Variants in NOTCH3 observed in about 807,000 individuals in gnomAD.
NOTCH3 encodes the protein neurogenic locus notch homolog protein 3.
A neutral mutation model predicts 213.3 loss-of-function variants in NOTCH3; 86 were observed. That is an observed-to-expected ratio of 0.40 (90% CI 0.34 to 0.48). The LOEUF (loss-of-function observed/expected upper bound fraction) is 0.48. Among genes scored for constraint, NOTCH3 ranks in the 20% least tolerant of loss-of-function variants. The pLI, the probability that NOTCH3 is intolerant of heterozygous loss-of-function variation, is 0.57. For missense variants in NOTCH3, 2,783 were observed against 3,272.6 expected (o/e 0.85, Z 3.65); for synonymous variants, 1,354 against 1,355.9 (o/e 1.00, Z 0.03).
At chr19:15,166,994 G>A (rs1426331700) in intron 29 of NOTCH3, among the ~76,000 whole-genome samples, 1 of 152,178 alleles carries the variant, frequency 6.6e-6, no homozygotes, top group Non-Finnish European at 1.5e-5. Flanking sequence ...GGAGTCAAAG[G>A]GTAGAGAGGG....
chr19:15,173,052 C>CCTCCTCATCCTCCT (rs781063990), intron 25 of NOTCH3, among the ~76,000 whole-genome samples: 1 of 18,986 alleles, frequency 5.3e-5, no homozygotes, highest in Non-Finnish European at 8.1e-5. Flanking sequence ...CCTCCCTCCT[C>CCTCCTCATCCTCCT]CCTCTTCTTC....
chr19:15,181,293 C>T (rs2046839618), intron 17 of NOTCH3, 131 bp from the exon 18 acceptor site: 1 of 880,370 alleles, frequency 1.1e-6, no homozygotes, highest in African/African-American at 1.7e-5. Context: ...AAGCTGCAGC[C>T]CCAGCAGAAG....
In NOTCH3 at chr19:15,180,130, G is replaced by A. The variant is rs200660191; in HGVS notation, c.3269C>T (p.Ala1090Val). ...HCEQEVDPCL[A>V]QPCQHGGTCR... ...GGTCCCCCCATGCTGGCAGGGCTGG[G>A]CCAAGCAGGGGTCCACCTCCTGCTC... The change falls in exon 20 of 33, where the codon GCC (alanine) becomes GTC (valine). Residue 1090 changes from alanine (A) to valine (V), a missense_variant. Ala to Val is a moderately conservative substitution (Grantham distance 64). Transcript: ENST00000263388. The A allele has an allele frequency of 3.7e-6, 6 of 1,613,050 alleles. No homozygotes were observed. Among genetic ancestry groups the A allele is most frequent in the Non-Finnish European group, 5.1e-6 (6 of 1,179,760 alleles).
At position 15,165,641 on chromosome 19, in the gene NOTCH3, G is replaced by A. The variant is rs997671044; in HGVS notation, c.5668-126C>T. ...CCCTGAAATTGGTGAGGTTCAGGGA[G>A]CAGCTGCTTGACAGATACTGTATTC... On this transcript the variant is annotated intron_variant, in intron 30 of 32. Coordinates refer to ENST00000263388, the MANE Select transcript of NOTCH3 (RefSeq NM_000435.3). The surrounding 1 kb of genome is among the most constrained non-coding windows in gnomAD (Gnocchi z 4.7). The A allele has an allele frequency of 5.8e-6, 7 of 1,201,742 alleles. No individual in the cohort carries two copies. The highest frequency in any genetic ancestry group is 8.2e-6 in the Non-Finnish European group (7 of 851,722). 74.4% of individuals were successfully genotyped at this position (1,201,742 alleles called of 1,614,324 possible).
At chr19:15,190,729 G>A (rs574108064) in intron 6 of NOTCH3, among the ~76,000 whole-genome samples, 1 of 152,318 alleles carries the variant, frequency 6.6e-6, no homozygotes, top group South Asian at 2.1e-4. Context: ...GGGACTACAG[G>A]CATGCGCTAC....
chr19:15,174,180 A>G lies in NOTCH3; in HGVS notation c.4624T>C (p.Ser1542Pro), dbSNP rs768113440. The G allele has an allele frequency of 6.2e-7, 1 of 1,609,248 alleles. No homozygotes were observed. The highest frequency in any genetic ancestry group is 8.5e-7 in the Non-Finnish European group (1 of 1,179,496). ...TGCGCGTCCAGGCGGAAGCGCAGCG[A>G]GGTGCGCAGGATGGCGCTGAGCCGC... ...LQRLSAILRT[S>P]LRFRLDAHGQ... Residue 1542 changes from serine (S) to proline (P), a missense_variant, in exon 25 of 33, where the codon TCG becomes CCG. Ser to Pro is a moderately conservative substitution (Grantham distance 74). This residue lies in a region of NOTCH3 where 636 missense variants were observed against 801.8 expected (regional missense o/e 0.79). Coordinates refer to ENST00000263388, the MANE Select transcript of NOTCH3 (RefSeq NM_000435.3).
At position 15,174,378 on chromosome 19, in the gene NOTCH3, C is replaced by A. The variant is rs886054255; in HGVS notation, c.4426G>T (p.Ala1476Ser). 1 of 1,536,190 alleles carries A rather than the reference C, an allele frequency of 6.5e-7. No homozygotes were observed. The highest frequency in any genetic ancestry group is 8.8e-7 in the Non-Finnish European group (1 of 1,136,998). ...CAGCGGCCGTCGGCAAAGTGGTCGG[C>A]GCAGTACTTCTCGTACACCGGGCTG... ...TCNPVYEKYC[A>S]DHFADGRCDQ... Residue 1476 changes from alanine (A) to serine (S), a missense_variant, in exon 25 of 33, where the codon GCC (alanine) becomes TCC (serine). Ala to Ser is a moderately conservative substitution (Grantham distance 99). This residue lies in a region of NOTCH3 where 636 missense variants were observed against 801.8 expected (regional missense o/e 0.79). Transcript: ENST00000263388.
intron 25 of NOTCH3, among the ~76,000 whole-genome samples, chr19:15,172,077 G>C (rs1031435544): frequency 3.0e-4 from 46 of 152,106 alleles, no homozygotes; most frequent in Non-Finnish European, 5.4e-4. Flanking sequence ...TGTATTTTTA[G>C]TATACACAGG....
At chr19:15,188,053 T>C in intron 9 of NOTCH3, 59 bp from the exon 10 acceptor site, 8 of 1,317,218 alleles carry the variant, frequency 6.1e-6, no homozygotes, top group Non-Finnish European at 8.6e-6. Flanking sequence ...TACACCCCTC[T>C]CCAGCCCCGC....
At chr19:15,186,452 T>G (rs1053240525) in intron 12 of NOTCH3, among the ~76,000 whole-genome samples, 4 of 151,660 alleles carry the variant, frequency 2.6e-5, no homozygotes, top group Non-Finnish European at 5.9e-5. Context: ...TCGCCCAGAC[T>G]GGAGTACAGT....
At position 15,185,658 on chromosome 19, in the gene NOTCH3, A is replaced by G. The variant is rs779379912; in HGVS notation, c.1973T>C (p.Ile658Thr). 37 of 1,613,362 alleles carry G rather than the reference A, an allele frequency of 2.3e-5. No individual in the cohort carries two copies. The highest frequency in any genetic ancestry group is 1.3e-4 in the African/African-American group (10 of 74,884). ...GCATGGGCTGGAAGCACACTCATTG[A>G]TCTCCACGTTACAAAGGGGCCCTGG... ...GFTGPLCNVEINECASSPCGE... is the reference protein window; with the variant it reads ...GFTGPLCNVETNECASSPCGE... Residue 658 changes from isoleucine (I) to threonine (T), a missense_variant, in exon 13 of 33, where the codon ATC becomes ACC. Physicochemically the swap from Ile to Thr is moderately conservative, Grantham distance 89 (BLOSUM62 -1). Coordinates refer to ENST00000263388, the MANE Select transcript of NOTCH3 (RefSeq NM_000435.3). The surrounding 1 kb of genome is among the most constrained non-coding windows in gnomAD (Gnocchi z 4.2).
chr19:15,172,195 C>T (rs1209612963), intron 25 of NOTCH3, among the ~76,000 whole-genome samples: 2 of 152,194 alleles, frequency 1.3e-5, no homozygotes, highest in Non-Finnish European at 2.9e-5. Context: ...CACACCTGGC[C>T]TCTTCCTCTT....
At chr19:15,171,005 T>C (rs893312676) in intron 25 of NOTCH3, among the ~76,000 whole-genome samples, 180 bp from the exon 26 acceptor site, 4 of 152,174 alleles carry the variant, frequency 2.6e-5, no homozygotes, top group Admixed American at 6.5e-5. Context: ...AAACGTGTCT[T>C]GCTGTGGTCA....
At position 15,165,332 on chromosome 19, in the gene NOTCH3, C is replaced by T. The variant is rs2074618; in HGVS notation, c.5815+36G>A. ...ATGACCCTCAGGGCCCAGGTGACAC[C>T]AACCCAGCTTAGACTTGATTCCTCT... On this transcript the variant is annotated intron_variant, in intron 31 of 32. Coordinates refer to ENST00000263388, the MANE Select transcript of NOTCH3 (RefSeq NM_000435.3). The surrounding 1 kb of genome is among the most constrained non-coding windows in gnomAD (Gnocchi z 4.7). The T allele has an allele frequency of 0.89, 1,427,074 of 1,599,280 alleles. 638,446 individuals are homozygous for T. The highest frequency in any genetic ancestry group is 0.97 in the African/African-American group (72,928 of 74,966).
intron 16 of NOTCH3, 96 bp downstream of exon 16, chr19:15,184,199 G>C: frequency 8.0e-7 from 1 of 1,250,786 alleles, no homozygotes; most frequent in African/African-American, 1.5e-5. Flanking sequence ...TAAGATAACT[G>C]TGAAGATGAA....
Position 15,160,972 on chromosome 19 carries a change from T to A in NOTCH3, c.6656A>T (p.Glu2219Val). 6.4e-7 allele frequency: 1 copy of A among 1,570,826 alleles called. No individual in the cohort carries two copies. Among genetic ancestry groups the A allele is most frequent in the Non-Finnish European group, 8.6e-7 (1 of 1,158,894 alleles). The change falls in exon 33 of 33, where the codon GAG becomes GTG. Residue 2219 changes from glutamate to valine, a missense_variant. Coordinates refer to ENST00000263388, the MANE Select transcript of NOTCH3 (RefSeq NM_000435.3). ...PPYLAVPGHG[E>V]EYPAAGAHSS... ...GTGTGCCCCAGCCGCCGGGTACTCCTCGCCATGTCCTGGGACTGCCAGGTA... is the reference window on the plus strand; with the variant it reads ...GTGTGCCCCAGCCGCCGGGTACTCCACGCCATGTCCTGGGACTGCCAGGTA...
intron 20 of NOTCH3, 21 bp from the exon 21 acceptor site, chr19:15,179,517 G>T (rs2145419231): frequency 6.2e-7 from 1 of 1,613,046 alleles, no homozygotes. Context: ...GTAAGAGAGG[G>T]ACCCACTCAG....
chr19:15,161,117 C>G lies in NOTCH3; in HGVS notation c.6511G>C (p.Asp2171His), dbSNP rs1453074278. The G allele has an allele frequency of 6.5e-7, 1 of 1,539,534 alleles. No individual in the cohort carries two copies. Among genetic ancestry groups the G allele is most frequent in the Admixed American group, 2.0e-5 (1 of 51,194 alleles). Residue 2171 changes from aspartate (D) to histidine (H), a missense_variant, in exon 33 of 33, where the codon GAT becomes CAT. By Grantham distance (81) the Asp-to-His change is moderately conservative. Around this residue, in one of 6 missense-constraint regions of NOTCH3, gnomAD observed 441 missense variants for 432.1 expected, o/e 1.02. Coordinates refer to ENST00000263388, the MANE Select transcript of NOTCH3 (RefSeq NM_000435.3). ...GLLNPVAVPL[D>H]WARLPPPAPP... ...GCAGGTGGGGGCAGCCGGGCCCAAT[C>G]GAGGGGCACAGCCACAGGGTTCAGC...
At chr19:15,167,834 G>A (rs903996034) in intron 28 of NOTCH3, among the ~76,000 whole-genome samples, 3 of 151,346 alleles carry the variant, frequency 2.0e-5, no homozygotes, top group African/African-American at 7.3e-5. Context: ...AGATTAACAG[G>A]AAATCAATGT....
Sources: gnomAD v4.1 joint callset for allele counts (sites outside exome capture counted in the v4.1 genomes callset) on GRCh38, gnomAD v4.1.1 for gene constraint, gnomAD v4.1.1 regional missense constraint, Gnocchi (gnomAD v3.1) non-coding constraint, MANE v1.5 for transcripts, NCBI Gene and HGNC (gene_info 2026-07-23, HGNC 2026-07-21) for gene names.